The following FMO4 variants were observed in gnomAD, a reference collection of about 807,000 sequenced individuals.
FMO4 encodes dimethylaniline monooxygenase [N-oxide-forming] 4.
Under a neutral mutation model 43.3 loss-of-function variants are expected in FMO4, and 38 were observed. The observed-to-expected ratio is 0.88, with a 90% CI of 0.68 to 1.15. The LOEUF is 1.15. Among genes scored for constraint, FMO4 ranks in the 50% most tolerant of loss-of-function variants. The pLI, the probability that FMO4 is intolerant of heterozygous loss-of-function variation, is 0.00. For synonymous variants in FMO4, 224 were observed against 232.2 expected (o/e 0.96, Z 0.32); for missense variants, 631 against 663.3 (o/e 0.95, Z 0.54).
chr1:171,325,048 G>A (rs1662599672), intron 5 of FMO4, among the ~76,000 whole-genome samples: 2 of 152,144 alleles, frequency 1.3e-5, no homozygotes, highest in African/African-American at 4.8e-5. Context: ...AGTGGCGGTT[G>A]CAGTGAGCAA....
chr1:171,322,916 T>C, intron 3 of FMO4, 88 bp from the exon 4 acceptor site: 2 of 906,276 alleles, frequency 2.2e-6, no homozygotes, highest in Non-Finnish European at 3.6e-6. Context: ...TAACCCGCCC[T>C]CAGTGAGGCT....
intron 8 of FMO4, among the ~76,000 whole-genome samples, chr1:171,337,048 A>C (rs984416788): frequency 2.0e-5 from 3 of 152,302 alleles, no homozygotes; most frequent in Non-Finnish European, 2.9e-5. Flanking sequence ...CAGCAAAAGC[A>C]GATGAAGAGA....
chr1:171,334,603 T>A lies in FMO4; in HGVS notation c.1020T>A (p.Pro340=), dbSNP rs760967741. 3 of 1,613,432 alleles carry A rather than the reference T, an allele frequency of 1.9e-6. No individual in the cohort carries two copies. Among genetic ancestry groups the A allele is most frequent in the Middle Eastern group, 1.6e-4 (1 of 6,074 alleles). ...YTFSFPFFEE[P]LKSLCTKKIF... ...TTTCTTTTCCATTTTTTGAAGAACC[T>A]CTTAAAAGCCTCTGTACAAAGAAGA... The change falls in exon 8 of 10, where the codon CCT becomes CCA. Residue 340 remains proline, a synonymous_variant. Coordinates refer to ENST00000367749, the MANE Select transcript of FMO4 (RefSeq NM_002022.3).
intron 2 of FMO4, among the ~76,000 whole-genome samples, chr1:171,316,714 T>G (rs1662216765): frequency 6.6e-6 from 1 of 152,152 alleles, no homozygotes; most frequent in Non-Finnish European, 1.5e-5. Flanking sequence ...GGAAAAATGA[T>G]GCATTTTTTA....
At chr1:171,333,764 T>C (rs1042738589) in intron 7 of FMO4, among the ~76,000 whole-genome samples, 1 of 152,228 alleles carries the variant, frequency 6.6e-6, no homozygotes, top group Admixed American at 6.5e-5. Context: ...ATGTAAATTT[T>C]ACAAAGAAAA....
intron 7 of FMO4, among the ~76,000 whole-genome samples, chr1:171,333,834 T>A (rs1663000667): frequency 6.6e-6 from 1 of 151,996 alleles, no homozygotes; most frequent in Non-Finnish European, 1.5e-5. Flanking sequence ...CAGTATAAAT[T>A]TTTTTTAATG....
rs116433681 is a variant in FMO4, at chr1:171,319,346, T to C, written c.-8-472T>C. Among the ~76,000 whole-genome samples the C allele has an allele frequency of 1.0e-2, 1,519 of 152,304 alleles. 26 individuals are homozygous for C. Among genetic ancestry groups the C allele is most frequent in the African/African-American group, 0.033 (1,391 of 41,570 alleles). ...CTCCTTCTCTGCCACACTGCTCTGCTCTGCCACTGGAGCTTGGGGTTTATA... is the reference window on the plus strand; with the variant it reads ...CTCCTTCTCTGCCACACTGCTCTGCCCTGCCACTGGAGCTTGGGGTTTATA... On this transcript the variant is annotated intron_variant, in intron 2 of 9. Transcript: ENST00000367749.
intron 5 of FMO4, among the ~76,000 whole-genome samples, chr1:171,326,260 G>C (rs935114873): frequency 6.6e-6 from 1 of 152,068 alleles, no homozygotes; most frequent in East Asian, 1.9e-4. Flanking sequence ...AAAGTACCAG[G>C]ATTATTTCTA....
chr1:171,322,941 T>G, intron 3 of FMO4, 63 bp from the exon 4 acceptor site: 24 of 1,261,954 alleles, frequency 1.9e-5, no homozygotes, highest in East Asian at 2.3e-5. Flanking sequence ...TGAGCCACCA[T>G]GATCTCTGTT....
At position 171,341,592 on chromosome 1, in the gene FMO4, G is replaced by C. The variant is rs753922065; in HGVS notation, c.1430G>C (p.Gly477Ala). 1 of 1,614,002 alleles carries C rather than the reference G, an allele frequency of 6.2e-7. No individual in the cohort carries two copies. Among genetic ancestry groups the C allele is most frequent in the South Asian group, 1.1e-5 (1 of 91,078 alleles). ...TATCAGTACCGCCTCATGGGCCCTG[G>C]AAAATGGGATGGAGCCAGAAATGCC... ...TPYQYRLMGP[G>A]KWDGARNAIL... The change falls in exon 10 of 10, where the codon GGA becomes GCA. Residue 477 changes from glycine to alanine, a missense_variant. Physicochemically the swap from Gly to Ala is moderately conservative, Grantham distance 60. Coordinates refer to ENST00000367749, the MANE Select transcript of FMO4 (RefSeq NM_002022.3).
At chr1:171,330,386 CTTAG>C in intron 5 of FMO4, among the ~76,000 whole-genome samples, 1 of 152,340 alleles carries the variant, frequency 6.6e-6, no homozygotes, top group South Asian at 2.1e-4. Flanking sequence ...TCTTACCATT[CTTAG>C]TTTATGTGAA....
At chr1:171,325,900 T>C (rs543322494) in intron 5 of FMO4, among the ~76,000 whole-genome samples, 1 of 129,768 alleles carries the variant, frequency 7.7e-6, no homozygotes, top group South Asian at 2.9e-4. Flanking sequence ...TGAGCTGGAG[T>C]GCAGTGGTGC....
In FMO4 at chr1:171,341,721, C is replaced by T. The variant is rs759492132; in HGVS notation, c.1559C>T (p.Ala520Val). The T allele has an allele frequency of 3.1e-6, 5 of 1,613,834 alleles. No individual in the cohort carries two copies. In the South Asian group the frequency reaches 4.4e-5, roughly 14 times the overall value. The change falls in exon 10 of 10, where the codon GCA (alanine) becomes GTA (valine). Residue 520 changes from alanine (A) to valine (V), a missense_variant. Physicochemically the swap from Ala to Val is moderately conservative, Grantham distance 64 (BLOSUM62 0). Transcript: ENST00000367749. ...TCACATTATTTAAAAGCCTGGGGGG[C>T]ACCTGTCCTACTTGCCTCTCTTCTA... ...SMSHYLKAWG[A>V]PVLLASLLLI...
intron 5 of FMO4, among the ~76,000 whole-genome samples, chr1:171,326,346 T>A (rs1662668514): frequency 6.6e-6 from 1 of 152,226 alleles, no homozygotes; most frequent in Non-Finnish European, 1.5e-5. Context: ...AAGTTGACAT[T>A]GCAACACATG....
At chr1:171,339,693 A>G (rs2223477) in intron 9 of FMO4, among the ~76,000 whole-genome samples, 63,318 of 152,018 alleles carry the variant, frequency 0.42, 14,451 homozygotes, top group African/African-American at 0.62. Context: ...AGGTCATGAA[A>G]GATGCAAAGA....
chr1:171,341,322 C>T, intron 9 of FMO4, 91 bp from the exon 10 acceptor site: 1 of 913,998 alleles, frequency 1.1e-6, no homozygotes, highest in Non-Finnish European at 1.6e-6. Context: ...AAAAATGTAA[C>T]AAAATGGTGG....
chr1:171,319,967 T>G lies in FMO4; in HGVS notation c.132+10T>G. On this transcript the variant is annotated intron_variant, in intron 3 of 9. Coordinates refer to ENST00000367749, the MANE Select transcript of FMO4 (RefSeq NM_002022.3). ...ATTATGGAAGTTTACTGTACGTGGT[T>G]CATCTCTATCAGTCATGATCTGGCC... 6.2e-7 allele frequency: 1 copy of G among 1,613,600 alleles called. No individual in the cohort carries two copies. Among genetic ancestry groups the G allele is most frequent in the South Asian group, 1.1e-5 (1 of 91,056 alleles).
chr1:171,339,842 C>A (rs1053573505), intron 9 of FMO4, among the ~76,000 whole-genome samples: 4 of 152,084 alleles, frequency 2.6e-5, no homozygotes, highest in Non-Finnish European at 4.4e-5. Flanking sequence ...TATCTGGATG[C>A]TAGGATCACT....
intron 2 of FMO4, among the ~76,000 whole-genome samples, chr1:171,318,685 G>T (rs947470322): frequency 3.5e-5 from 5 of 143,576 alleles, no homozygotes; most frequent in African/African-American, 1.2e-4. Context: ...TGGATTTGGG[G>T]GTTTGGGCTG....
Sources: allele counts gnomAD v4.1 joint callset (sites outside exome capture counted in the v4.1 genomes callset), GRCh38; gene constraint gnomAD v4.1.1; transcripts MANE v1.5; gene names NCBI Gene and HGNC (gene_info 2026-07-23, HGNC 2026-07-21).